The following SYNJ2 variants were observed in gnomAD, a reference collection of about 807,000 sequenced individuals.
The protein encoded by SYNJ2 is polyphosphatidylinositol phosphatase SYNJ2.
Under a neutral mutation model 141.3 loss-of-function variants are expected in SYNJ2, and 116 were observed. The observed-to-expected ratio is 0.82, with a 90% CI of 0.71 to 0.96. The LOEUF (loss-of-function observed/expected upper bound fraction) is 0.96. SYNJ2 is among the 40% of genes least tolerant of loss of function. SYNJ2 has a pLI of 0.00. For missense variants in SYNJ2, 1,873 were observed against 1,934.8 expected (o/e 0.97, Z 0.60); for synonymous variants, 745 against 777.7 (o/e 0.96, Z 0.70).
chr6:158,041,186 C>T (rs576238548), intron 4 of SYNJ2, among the ~76,000 whole-genome samples: 1 of 152,234 alleles, frequency 6.6e-6, no homozygotes, highest in African/African-American at 2.4e-5. Context: ...GTGCCCAGGG[C>T]CACCCTGCTG....
chr6:157,982,075 G>A lies in SYNJ2; in HGVS notation c.114G>A (p.Thr38=). ...ACTGCCTGCTGTTCGAGGCCGGCAC[G>A]GTGGCCACGCTGGGTGAGTCCGGGC... ...RDDCLLFEAG[T]VATLAPEEKE... Residue 38 remains threonine (T), a synonymous_variant, in exon 1 of 27, where the codon ACG becomes ACA. Coordinates refer to ENST00000355585, the MANE Select transcript of SYNJ2 (RefSeq NM_003898.4). The surrounding 1 kb of genome is among the most constrained non-coding windows in gnomAD (Gnocchi z 4.0). 7.5e-7 allele frequency: 1 copy of A among 1,336,760 alleles called. No individual in the cohort carries two copies. Among genetic ancestry groups the A allele is most frequent in the South Asian group, 1.9e-5 (1 of 53,712 alleles). The allele number at this position is 1,336,760 out of a possible 1,614,324, so 82.8% of individuals were successfully genotyped here.
chr6:158,059,769 G>A (rs1313982498), intron 7 of SYNJ2, among the ~76,000 whole-genome samples: 1 of 152,148 alleles, frequency 6.6e-6, no homozygotes, highest in Admixed American at 6.5e-5. Flanking sequence ...TGTTCAGGTT[G>A]GTCAAGAACT....
chr6:158,082,353 G>A (rs1015685168), intron 20 of SYNJ2, among the ~76,000 whole-genome samples: 1 of 151,846 alleles, frequency 6.6e-6, no homozygotes, highest in Non-Finnish European at 1.5e-5. Context: ...CAGGCATAGT[G>A]GCAGGTGCCT....
In SYNJ2 at chr6:158,047,218, C is replaced by T. The variant is rs938075379; in HGVS notation, c.795+3819C>T. Reference sequence around the variant, plus strand: ...CGATGCATGCCGTGGGTCTTGTGTGCGTGGGAAGGAACCTGACGCTTGTTC... The same window carrying T: ...CGATGCATGCCGTGGGTCTTGTGTGTGTGGGAAGGAACCTGACGCTTGTTC... On this transcript the variant is annotated intron_variant, in intron 5 of 26. Transcript: ENST00000355585. Among the ~76,000 whole-genome samples the T allele has an allele frequency of 3.3e-5, 5 of 152,138 alleles. 1 individual carries two copies. Among genetic ancestry groups the T allele is most frequent in the Admixed American group, 2.0e-4 (3 of 15,276 alleles).
intron 22 of SYNJ2, among the ~76,000 whole-genome samples, chr6:158,086,176 G>A (rs1182786871): frequency 6.6e-6 from 1 of 152,054 alleles, no homozygotes; most frequent in African/African-American, 2.4e-5. Flanking sequence ...GGAGCTGCTG[G>A]ATACAGGGAG....
At chr6:157,989,150 G>A (rs557150887) in intron 1 of SYNJ2, among the ~76,000 whole-genome samples, 2 of 152,240 alleles carry the variant, frequency 1.3e-5, no homozygotes, top group Admixed American at 6.5e-5. Context: ...ATTGCAAGCT[G>A]TTTTGAGTTT....
Position 157,982,594 on chromosome 6 carries a change from G to A in SYNJ2, c.127+506G>A, listed in dbSNP as rs1245466449. Among the ~76,000 whole-genome samples the A allele has an allele frequency of 6.6e-6, 1 of 152,276 alleles. No homozygotes were observed. The highest frequency in any genetic ancestry group is 2.1e-4 in the South Asian group (1 of 4,822). ...CGTAAATACTTGGTCGAGAAGCATC[G>A]GTGCTGCAATTTATAGAACTTGTAA... On this transcript the variant is annotated intron_variant, in intron 1 of 26. Transcript: ENST00000355585. This position sits in a 1 kb window ranked among gnomAD's most constrained non-coding sequence, Gnocchi z 4.0.
chr6:158,089,600 G>A (rs1026311952), intron 24 of SYNJ2, among the ~76,000 whole-genome samples: 6 of 152,156 alleles, frequency 3.9e-5, no homozygotes, highest in African/African-American at 1.2e-4. Flanking sequence ...CTGTCCATAT[G>A]CAAAAATCTG....
rs202140646 is a variant in SYNJ2, at chr6:158,062,179, G to T, written c.1127+15G>T. ...GTCAGTCCACGGTGAGGCTCGCTGCGCACTGTGCCGCGTCTTCTGCTGGGG... is the reference window on the plus strand; with the variant it reads ...GTCAGTCCACGGTGAGGCTCGCTGCTCACTGTGCCGCGTCTTCTGCTGGGG... On this transcript the variant is annotated intron_variant, in intron 8 of 26. Transcript: ENST00000355585. 1.2e-6 allele frequency: 2 copies of T among 1,608,870 alleles called. No homozygotes were observed. Among genetic ancestry groups the T allele is most frequent in the Non-Finnish European group, 8.5e-7 (1 of 1,177,136 alleles).
At chr6:158,045,467 C>G (rs1010021149) in intron 5 of SYNJ2, among the ~76,000 whole-genome samples, 11 of 152,176 alleles carry the variant, frequency 7.2e-5, no homozygotes, top group African/African-American at 2.2e-4. Flanking sequence ...CAGGCCACAA[C>G]TGGGGATGGT....
Position 157,988,662 on chromosome 6 carries a change from TTC to T in SYNJ2, c.127+6576_127+6577del, listed in dbSNP as rs538690561. Among the ~76,000 whole-genome samples, 127 of 152,332 alleles carry T rather than the reference TTC, an allele frequency of 8.3e-4. 4 individuals are homozygous for T. The South Asian group carries it at 0.02, about 24-fold the overall frequency. Reference sequence around the variant, plus strand: ...CTTCCCACTGAGGATGGGGAATATATTCTGTTTTCTTTCCACTTGAATTGTCC... The same window carrying T: ...CTTCCCACTGAGGATGGGGAATATATTGTTTTCTTTCCACTTGAATTGTCC... On this transcript the variant is annotated intron_variant, in intron 1 of 26. Coordinates refer to ENST00000355585, the MANE Select transcript of SYNJ2 (RefSeq NM_003898.4).
intron 2 of SYNJ2, 115 bp downstream of exon 2, chr6:158,017,405 CTTTTTTT>C (rs34667973): frequency 3.0e-4 from 178 of 600,202 alleles, no homozygotes; most frequent in East Asian, 7.5e-4. Context: ...TCTCTCTCTT[CTTTTTTT>C]TTTTTTTTTT....
chr6:158,017,328 C>T lies in SYNJ2; in HGVS notation c.214+38C>T, dbSNP rs781322666. The T allele has an allele frequency of 1.4e-5, 22 of 1,585,226 alleles. No individual in the cohort carries two copies. In the South Asian group the frequency reaches 1.5e-4, roughly 11 times the overall value. On this transcript the variant is annotated intron_variant, in intron 2 of 26. Transcript: ENST00000355585. ...TCGCTGGAGGAGCAGGCGCCAGGCT[C>T]CCCGGTGGGCAGGAGCCTCTGTGTC... is the stretch of plus-strand genomic sequence containing the variant.
At chr6:157,990,028 C>G (rs1045088655) in intron 1 of SYNJ2, among the ~76,000 whole-genome samples, 7 of 152,208 alleles carry the variant, frequency 4.6e-5, no homozygotes, top group African/African-American at 1.4e-4. Flanking sequence ...GCTAGATGCC[C>G]CGGCCAGGTC....
intron 1 of SYNJ2, among the ~76,000 whole-genome samples, chr6:158,010,094 A>G (rs537574923): frequency 4.0e-4 from 61 of 151,926 alleles, no homozygotes; most frequent in Non-Finnish European, 7.5e-4. Flanking sequence ...TTTTTAAAAG[A>G]ATTTTTGTAG....
At chr6:158,082,926 G>A (rs1245261974) in intron 20 of SYNJ2, among the ~76,000 whole-genome samples, 1 of 133,178 alleles carries the variant, frequency 7.5e-6, no homozygotes, top group Non-Finnish European at 1.6e-5. Flanking sequence ...GGAAGCTGGA[G>A]ATGAGAGTTC....
rs774599283 is a variant in SYNJ2 at position 158,078,260 on chromosome 6, A to T, written c.2546A>T (p.Glu849Val). ...PGALQYYGRA[E>V]LQASDHRPVL... is the part of the protein sequence containing the mutation. Reference sequence around the variant, plus strand: ...GCCCTGCAGTATTATGGTCGTGCGGAGCTACAAGCGTCTGATCACAGGTGA... The same window carrying T: ...GCCCTGCAGTATTATGGTCGTGCGGTGCTACAAGCGTCTGATCACAGGTGA... Residue 849 changes from glutamate (E) to valine (V), a missense_variant, in exon 18 of 27, where the codon GAG becomes GTG. Coordinates refer to ENST00000355585, the MANE Select transcript of SYNJ2 (RefSeq NM_003898.4). 6.2e-7 allele frequency: 1 copy of T among 1,613,678 alleles called. No homozygotes were observed. Among genetic ancestry groups the T allele is most frequent in the Admixed American group, 1.7e-5 (1 of 59,998 alleles).
At chr6:158,081,632 T>TC in intron 20 of SYNJ2, 122 bp downstream of exon 20, 45 of 282,354 alleles carry the variant, frequency 1.6e-4, no homozygotes, top group Non-Finnish European at 1.6e-4. Flanking sequence ...TTTTTTTTTT[T>TC]TTTCTCTGAG....
In SYNJ2 at chr6:158,069,674, GTAAGAACATTCTGT is replaced by G. The variant is rs781154575; in HGVS notation, c.1940+3_1940+16del. The G allele has an allele frequency of 4.5e-5, 72 of 1,609,844 alleles. No homozygotes were observed. Among genetic ancestry groups the G allele is most frequent in the Non-Finnish European group, 5.7e-5 (67 of 1,177,376 alleles). ...GTCCATACCATGTCCCGTTCATCAG[GTAAGAACATTCTGT>G]TTACACACATCTGGGGAACAAGGGG... On this transcript the variant is annotated splice_donor_variant and splice_donor_5th_base_variant and intron_variant, in intron 14 of 26. Transcript: ENST00000355585. LOFTEE classifies it high-confidence loss of function.
Sources: gnomAD v4.1 joint callset for allele counts (sites outside exome capture counted in the v4.1 genomes callset) on GRCh38, gnomAD v4.1.1 for gene constraint, Gnocchi (gnomAD v3.1) non-coding constraint, MANE v1.5 for transcripts, NCBI Gene and HGNC (gene_info 2026-07-23, HGNC 2026-07-21) for gene names.